The following CACNA2D1 variants were observed in gnomAD, a reference collection of about 807,000 sequenced individuals.
CACNA2D1 encodes the protein calcium voltage-gated channel auxiliary subunit alpha2delta 1.
In CACNA2D1, 53 loss-of-function variants were observed where a neutral mutation model predicts 171.5. The ratio of observed to expected loss-of-function variants is 0.31; its 90% CI spans 0.25 to 0.39. The LOEUF (loss-of-function observed/expected upper bound fraction) is 0.39, where lower values mean the gene tolerates loss of function less well. Among genes scored for constraint, CACNA2D1 ranks in the 10% least tolerant of loss-of-function variants. The pLI is 1.00. For missense variants in CACNA2D1, 903 were observed against 1,299.8 expected (o/e 0.69, Z 4.69); for synonymous variants, 442 against 443.1 (o/e 1.00, Z 0.03).
At chr7:82,271,319 A>G (rs560176793) in intron 3 of CACNA2D1, among the ~76,000 whole-genome samples, 1 of 152,246 alleles carries the variant, frequency 6.6e-6, no homozygotes, top group East Asian at 1.9e-4. Context: ...GACCTGAGTC[A>G]TTCATTTTTA....
chr7:81,955,980 A>ATATAT (rs58075516), intron 38 of CACNA2D1, among the ~76,000 whole-genome samples: 6 of 34,552 alleles, frequency 1.7e-4, no homozygotes, highest in African/African-American at 3.5e-4. Flanking sequence ...ATATATATAT[A>ATATAT]TTTTTTTTTT....
chr7:82,301,270 G>A (rs1812963397), intron 3 of CACNA2D1, among the ~76,000 whole-genome samples: 1 of 152,128 alleles, frequency 6.6e-6, no homozygotes, highest in Non-Finnish European at 1.5e-5. Context: ...GGGATTACAG[G>A]CATGCGCCAC....
Position 82,041,497 on chromosome 7 carries a change from G to T in CACNA2D1, c.880-3262C>A, listed in dbSNP as rs73151511. On this transcript the variant is annotated intron_variant, in intron 10 of 38. Transcript: ENST00000356860. ...ATCAGGATAATGAGAGGAGAAGGAAGGCTTAGAGAAAAGAAAAAACAAGAG... is the reference window on the plus strand; with the variant it reads ...ATCAGGATAATGAGAGGAGAAGGAATGCTTAGAGAAAAGAAAAAACAAGAG... Among the ~76,000 whole-genome samples the T allele has an allele frequency of 2.8e-3, 429 of 151,520 alleles. 14 individuals carry two copies. The highest frequency in any genetic ancestry group is 3.4e-3 in the Middle Eastern group (1 of 292).
At chr7:82,426,021 T>C (rs912822377) in intron 1 of CACNA2D1, among the ~76,000 whole-genome samples, 4 of 151,130 alleles carry the variant, frequency 2.6e-5, no homozygotes, top group African/African-American at 9.7e-5. Flanking sequence ...TCCCAGCTAG[T>C]AGGGAGGCTG....
At chr7:82,256,672 T>C (rs1806350844) in intron 3 of CACNA2D1, among the ~76,000 whole-genome samples, 1 of 152,222 alleles carries the variant, frequency 6.6e-6, no homozygotes, top group Non-Finnish European at 1.5e-5. Context: ...ATGACTTTAT[T>C]GTCTTATTTA....
intron 3 of CACNA2D1, among the ~76,000 whole-genome samples, chr7:82,248,273 C>T (rs1238663722): frequency 1.3e-5 from 2 of 152,154 alleles, no homozygotes; most frequent in African/African-American, 4.8e-5. Flanking sequence ...TTCCATAGAT[C>T]CATTCATGTC....
intron 3 of CACNA2D1, among the ~76,000 whole-genome samples, chr7:82,326,326 C>T (rs1159180369): frequency 2.0e-5 from 3 of 151,994 alleles, no homozygotes. Flanking sequence ...TGTTATATGG[C>T]GTGTCATTTA....
chr7:82,021,715 A>T (rs1801232424), intron 12 of CACNA2D1, among the ~76,000 whole-genome samples: 1 of 152,066 alleles, frequency 6.6e-6, no homozygotes. Context: ...CATTAAAATA[A>T]TTAAAAAATG....
intron 7 of CACNA2D1, 39 bp downstream of exon 7, chr7:82,084,730 G>A (rs947342457): frequency 2.5e-5 from 41 of 1,611,036 alleles, no homozygotes; most frequent in Non-Finnish European, 3.2e-5. Context: ...GAAACATTGA[G>A]GCTGGAACTT....
chr7:82,185,476 G>GAA (rs1250966038), intron 3 of CACNA2D1, among the ~76,000 whole-genome samples: 6 of 40,494 alleles, frequency 1.5e-4, no homozygotes, highest in East Asian at 1.4e-3. Context: ...AGAGAGGGGG[G>GAA]GAGGGGGAGG....
chr7:82,174,854 T>C (rs77494173), intron 3 of CACNA2D1, among the ~76,000 whole-genome samples: 2,558 of 152,184 alleles, frequency 0.017, 36 homozygotes, highest in Middle Eastern at 0.031. Flanking sequence ...GGGAGAAGGA[T>C]AGAGAATGAA....
intron 3 of CACNA2D1, among the ~76,000 whole-genome samples, chr7:82,257,891 A>T (rs1284002529): frequency 6.6e-6 from 1 of 152,224 alleles, no homozygotes; most frequent in Non-Finnish European, 1.5e-5. Flanking sequence ...TCTTATAAAG[A>T]TGGAGGAGAT....
At chr7:81,961,775 C>T (rs1794152544) in intron 36 of CACNA2D1, 119 bp downstream of exon 36, 1 of 907,904 alleles carries the variant, frequency 1.1e-6, no homozygotes, top group Non-Finnish European at 1.8e-6. Flanking sequence ...TCTCTGACTC[C>T]AACACAATTT....
At chr7:82,324,537 G>A (rs191046775) in intron 3 of CACNA2D1, among the ~76,000 whole-genome samples, 2 of 151,996 alleles carry the variant, frequency 1.3e-5, no homozygotes, top group African/African-American at 2.4e-5. Context: ...TCAAGAGGTC[G>A]TAAACACAGC....
intron 36 of CACNA2D1, among the ~76,000 whole-genome samples, chr7:81,960,574 A>C (rs1263957810): frequency 6.6e-6 from 1 of 152,036 alleles, no homozygotes; most frequent in Non-Finnish European, 1.5e-5. Flanking sequence ...TAAAAAAGTA[A>C]TTTCTTTATC....
intron 6 of CACNA2D1, among the ~76,000 whole-genome samples, chr7:82,116,630 A>T (rs1461999520): frequency 6.6e-6 from 1 of 152,178 alleles, no homozygotes; most frequent in Non-Finnish European, 1.5e-5. Flanking sequence ...AGTCATAAGA[A>T]CTGGAAAGAA....
At chr7:82,123,812 T>C (rs969821514) in intron 5 of CACNA2D1, among the ~76,000 whole-genome samples, 1 of 152,178 alleles carries the variant, frequency 6.6e-6, no homozygotes, top group African/African-American at 2.4e-5. Context: ...CATAAAGTTA[T>C]AGTAATAGCT....
chr7:81,963,548 G>A (rs1315470263), intron 34 of CACNA2D1, among the ~76,000 whole-genome samples: 1 of 151,890 alleles, frequency 6.6e-6, no homozygotes, highest in Non-Finnish European at 1.5e-5. Flanking sequence ...GGTTTGGAAG[G>A]TAGCATCAGT....
intron 3 of CACNA2D1, among the ~76,000 whole-genome samples, chr7:82,191,068 T>C (rs1050778209): frequency 2.0e-5 from 3 of 151,728 alleles, no homozygotes; most frequent in African/African-American, 7.2e-5. Flanking sequence ...AGAACGTCTA[T>C]AATCTGTAAA....
Sources: gnomAD v4.1 joint callset for allele counts (sites outside exome capture counted in the v4.1 genomes callset) on GRCh38, gnomAD v4.1.1 for gene constraint, MANE v1.5 for transcripts, NCBI Gene and HGNC (gene_info 2026-07-23, HGNC 2026-07-21) for gene names.